The following AP1B1 variants were observed in gnomAD, a reference collection of about 807,000 sequenced individuals.
The protein encoded by AP1B1 is adaptor related protein complex 1 subunit beta 1.
Under a neutral mutation model 104.3 loss-of-function variants are expected in AP1B1, and 36 were observed. That is an observed-to-expected ratio of 0.35 (90% CI 0.26 to 0.46). The LOEUF is 0.46. Among genes scored for constraint, AP1B1 ranks in the 20% least tolerant of loss-of-function variants. The pLI, the probability that AP1B1 is intolerant of heterozygous loss-of-function variation, is 1.00. For missense variants in AP1B1, 901 were observed against 1,247.9 expected (o/e 0.72, Z 4.19); for synonymous variants, 504 against 517.5 (o/e 0.97, Z 0.35).
chr22:29,378,504 G>C (rs2062381907), intron 1 of AP1B1, among the ~76,000 whole-genome samples: 1 of 137,822 alleles, frequency 7.3e-6, no homozygotes, highest in African/African-American at 2.7e-5. Flanking sequence ...AGTGAGCTGT[G>C]AATGTGACAC....
chr22:29,371,810 A>G (rs1246311638), intron 1 of AP1B1, among the ~76,000 whole-genome samples: 1 of 152,142 alleles, frequency 6.6e-6, no homozygotes, highest in Non-Finnish European at 1.5e-5. Context: ...CAAATTTTTT[A>G]AAGTGGTTAA....
At chr22:29,351,470 A>T in intron 8 of AP1B1, 1 of 820,318 alleles carries the variant, frequency 1.2e-6, no homozygotes, top group South Asian at 1.8e-5. Context: ...GATTTAGCTA[A>T]CATATCCAAC....
chr22:29,342,187 A>G, intron 12 of AP1B1, 98 bp downstream of exon 12: 1 of 973,498 alleles, frequency 1.0e-6, no homozygotes, highest in Non-Finnish European at 1.5e-6. Context: ...TACCTGTCTT[A>G]GGAGCGGGCC....
Position 29,366,359 on chromosome 22 carries a change from C to T in AP1B1, c.37+848G>A, listed in dbSNP as rs993058162. Among the ~76,000 whole-genome samples, 5 of 152,136 alleles carry T rather than the reference C, an allele frequency of 3.3e-5. 1 individual carries two copies. The highest frequency in any genetic ancestry group is 2.1e-4 in the South Asian group (1 of 4,834). ...AAAACGATGAAAATACATGCCTGAC[C>T]GGCCGCGGTGGCTCACGCCTGTAAT... is the stretch of plus-strand genomic sequence containing the variant. On this transcript the variant is annotated intron_variant, in intron 2 of 22. Transcript: ENST00000357586.
In AP1B1 at chr22:29,340,729, C is replaced by CT. The variant is rs1300607782; in HGVS notation, c.1924dup (p.Ser642LysfsTer23). On this transcript the variant is annotated frameshift_variant, in exon 14 of 23. Transcript: ENST00000357586. LOFTEE classifies it high-confidence loss of function. Reference sequence around the variant, plus strand: ...CGAGGAGGTGGCCAGGGGTGGGCCGCTCACTGGGGGGCCGAGGTCCAGGTT... The same window carrying CT: ...CGAGGAGGTGGCCAGGGGTGGGCCGCTTCACTGGGGGGCCGAGGTCCAGGTT... 1 of 1,594,216 alleles carries CT rather than the reference C, an allele frequency of 6.3e-7. No individual in the cohort carries two copies. Among genetic ancestry groups the CT allele is most frequent in the African/African-American group, 1.3e-5 (1 of 74,786 alleles).
rs1245897520 is a variant in AP1B1, at chr22:29,330,061, A to G, written c.2766+317T>C. The G allele has an allele frequency of 2.8e-6, 4 of 1,409,990 alleles. No individual in the cohort carries two copies. In the African/African-American group the frequency reaches 5.8e-5, roughly 20 times the overall value. The allele number at this position is 1,409,990 out of a possible 1,614,324, so 87.3% of individuals were successfully genotyped here. On this transcript the variant is annotated intron_variant, in intron 21 of 22. Transcript: ENST00000357586. ...AGCTGGACATGCAGGCACTCACAGG[A>G]CAGGGCCAGGGCCTGTGCCCAGCAA...
At chr22:29,347,851 G>A (rs950085924) in intron 11 of AP1B1, among the ~76,000 whole-genome samples, 1 of 152,172 alleles carries the variant, frequency 6.6e-6, no homozygotes, top group African/African-American at 2.4e-5. Flanking sequence ...TAAGCATCCT[G>A]CTCCTATGAA....
At chr22:29,379,843 T>A (rs2062409673) in intron 1 of AP1B1, among the ~76,000 whole-genome samples, 1 of 152,186 alleles carries the variant, frequency 6.6e-6, no homozygotes, top group Non-Finnish European at 1.5e-5. Context: ...CAACACTAGC[T>A]GGGGAACGGC....
intron 5 of AP1B1, among the ~76,000 whole-genome samples, chr22:29,358,053 A>G: frequency 6.6e-6 from 1 of 152,200 alleles, no homozygotes; most frequent in East Asian, 1.9e-4. Flanking sequence ...CCAGTGCTCC[A>G]GTACCCATCC....
chr22:29,357,573 C>T (rs1463097683), intron 5 of AP1B1, among the ~76,000 whole-genome samples: 1 of 152,056 alleles, frequency 6.6e-6, no homozygotes, highest in Non-Finnish European at 1.5e-5. Context: ...ACTATGTTGG[C>T]CAGGCTGGTC....
chr22:29,332,627 C>T (rs75980090), intron 17 of AP1B1, among the ~76,000 whole-genome samples: 2,908 of 152,312 alleles, frequency 0.019, 77 homozygotes, highest in African/African-American at 0.066. Context: ...GAGCCAGGTA[C>T]ACCTCTTCCT....
At chr22:29,379,214 A>G (rs1277459211) in intron 1 of AP1B1, among the ~76,000 whole-genome samples, 1 of 152,150 alleles carries the variant, frequency 6.6e-6, no homozygotes, top group African/African-American at 2.4e-5. Flanking sequence ...TTAGCTGGAC[A>G]TGGTGGCTCG....
intron 9 of AP1B1, among the ~76,000 whole-genome samples, chr22:29,350,929 C>T (rs952014414): frequency 7.2e-5 from 11 of 152,186 alleles, no homozygotes; most frequent in Non-Finnish European, 1.2e-4. Flanking sequence ...ACAAATGCTG[C>T]AGGAGAACCA....
rs200734849 is a variant in AP1B1, at chr22:29,328,812, G to T, written c.*9C>A. On this transcript the variant is annotated 3_prime_UTR_variant, in exon 23 of 23. Coordinates refer to ENST00000357586, the MANE Select transcript of AP1B1 (RefSeq NM_001127.4). This position sits in a 1 kb window ranked among gnomAD's most constrained non-coding sequence, Gnocchi z 4.1. ...GGGCAGAAGGCTGGGGTGGGCGCTG[G>T]CCGGGGTCTCAGTTCTTGAGGATGG... 1.2e-5 allele frequency: 20 copies of T among 1,602,392 alleles called. No homozygotes were observed. The African/African-American group carries it at 2.4e-4, about 19-fold the overall frequency.
At chr22:29,341,905 A>G in intron 12 of AP1B1, 145 bp from the exon 13 acceptor site, 1 of 978,696 alleles carries the variant, frequency 1.0e-6, no homozygotes. Context: ...CTGCCCCTAT[A>G]CCACCTACAG....
chr22:29,371,864 T>C (rs1163960908), intron 1 of AP1B1, among the ~76,000 whole-genome samples: 1 of 152,170 alleles, frequency 6.6e-6, no homozygotes, highest in African/African-American at 2.4e-5. Context: ...GCCAGTATAA[T>C]GAGTCACTTT....
intron 6 of AP1B1, among the ~76,000 whole-genome samples, chr22:29,355,772 T>C (rs1056176626): frequency 1.3e-5 from 2 of 151,188 alleles, no homozygotes; most frequent in Non-Finnish European, 1.5e-5. Flanking sequence ...GGCATGCAGA[T>C]GTCTGTAGTC....
chr22:29,356,834 C>G (rs1319859183), intron 5 of AP1B1, among the ~76,000 whole-genome samples: 2 of 152,190 alleles, frequency 1.3e-5, no homozygotes. Flanking sequence ...TTTAGAAAAA[C>G]AAGAAAGACC....
chr22:29,340,831 G>A lies in AP1B1; in HGVS notation c.1823C>T (p.Thr608Ile), dbSNP rs764429578. 3 of 1,598,096 alleles carry A rather than the reference G, an allele frequency of 1.9e-6. No homozygotes were observed. The highest frequency in any genetic ancestry group is 1.1e-5 in the South Asian group (1 of 87,568). ...ASSESAESPE[T>I]APTGAPPGEQ... is the part of the protein sequence containing the mutation. The stretch of plus-strand genomic sequence containing the variant: ...CCCAGGAGGTGCTCCAGTAGGGGCT[G>A]TCTCAGGGCTCTCTGCGCTCTCACT... The change falls in exon 14 of 23, where the codon ACA becomes ATA. Residue 608 changes from threonine (T) to isoleucine (I), a missense_variant. Physicochemically the swap from Thr to Ile is moderately conservative, Grantham distance 89. Coordinates refer to ENST00000357586, the MANE Select transcript of AP1B1 (RefSeq NM_001127.4).
Sources: gnomAD v4.1 joint callset for allele counts (sites outside exome capture counted in the v4.1 genomes callset) on GRCh38, gnomAD v4.1.1 for gene constraint, Gnocchi (gnomAD v3.1) non-coding constraint, MANE v1.5 for transcripts, NCBI Gene and HGNC (gene_info 2026-07-23, HGNC 2026-07-21) for gene names.